PANK2: variants seen among roughly 807,000 people sequenced by gnomAD.
PANK2 encodes the protein pantothenate kinase 2, mitochondrial.
In PANK2, 36 loss-of-function variants were observed where a neutral mutation model predicts 43.1. The observed-to-expected ratio is 0.84, with a 90% CI of 0.64 to 1.10. The LOEUF is 1.10. Among genes scored for constraint, PANK2 ranks in the 50% least tolerant of loss-of-function variants. The pLI is 0.00. For synonymous variants in PANK2, 281 were observed against 238.2 expected, an observed-to-expected ratio of 1.18 and a Z score of -1.66; for missense variants, 576 against 593.3, an observed-to-expected ratio of 0.97 and a Z score of 0.30.
intron 5 of PANK2, 56 bp downstream of exon 5, chr20:3,917,106 G>T (rs1474866523): frequency 1.9e-6 from 3 of 1,605,512 alleles, no homozygotes; most frequent in Admixed American, 1.7e-5. Flanking sequence ...ACTTAAGTGG[G>T]CCCCATCACG....
chr20:3,908,159 C>G lies in PANK2; in HGVS notation c.532C>G (p.Pro178Ala). The G allele has an allele frequency of 6.2e-7, 1 of 1,614,172 alleles. No individual in the cohort carries two copies. Among genetic ancestry groups the G allele is most frequent in the Non-Finnish European group, 8.5e-7 (1 of 1,180,014 alleles). The change falls in exon 2 of 7, where the codon CCC becomes GCC. Residue 178 changes from proline to alanine, a missense_variant. Pro to Ala is a conservative substitution (Grantham distance 27). Around this residue, in one of 2 missense-constraint regions of PANK2, gnomAD observed 544 missense variants for 528.9 expected, o/e 1.03. Coordinates refer to ENST00000610179, the MANE Select transcript of PANK2 (RefSeq NM_001386393.1). ...AGGCAATCTGCACTTTATACGCTTT[C>G]CCACTCATGACATGCCTGCTTTTAT...
chr20:3,912,649 G>A lies in PANK2; in HGVS notation c.1082+15G>A, dbSNP rs1433014150. ...GTGGCTTCAAGGTAAGGGGGCATGT[G>A]TGTTCTAAGAAATACAGGCGGGCCG... On this transcript the variant is annotated intron_variant, in intron 4 of 6. Transcript: ENST00000610179. The A allele has an allele frequency of 1.9e-6, 3 of 1,613,422 alleles. No individual in the cohort carries two copies. The highest frequency in any genetic ancestry group is 1.7e-5 in the Admixed American group (1 of 59,964).
chr20:3,889,338 C>T (rs1226784662), upstream of PANK2: 1 of 1,587,174 alleles, frequency 6.3e-7, no homozygotes, highest in East Asian at 2.3e-5. Context: ...GGATTGGCTT[C>T]CTGCGCGTTG....
At chr20:3,890,792 T>A (rs1170841274) in intron 1 of PANK2, among the ~76,000 whole-genome samples, 9 of 152,250 alleles carry the variant, frequency 5.9e-5, no homozygotes, top group Non-Finnish European at 2.9e-5. Context: ...TCTATTTTGC[T>A]GTGAAAAGTT....
At chr20:3,889,982 C>G in intron 1 of PANK2, 2 of 1,447,550 alleles carry the variant, frequency 1.4e-6, no homozygotes, top group Non-Finnish European at 1.9e-6. Flanking sequence ...CAGGACCTGT[C>G]CTCCCTTTTC....
At chr20:3,913,251 A>G (rs2090497993) in intron 4 of PANK2, among the ~76,000 whole-genome samples, 2 of 152,162 alleles carry the variant, frequency 1.3e-5, no homozygotes, top group South Asian at 2.1e-4. Context: ...CATACAGTAT[A>G]TGATCTTTTG....
upstream of PANK2, chr20:3,888,963 GC>G: frequency 2.2e-5 from 14 of 647,324 alleles, no homozygotes; most frequent in South Asian, 4.5e-5. Context: ...CGCTGCGGGA[GC>G]ACTGCTGGGC....
intron 5 of PANK2, among the ~76,000 whole-genome samples, 188 bp downstream of exon 5, chr20:3,917,238 C>T (rs939938110): frequency 4.7e-5 from 7 of 149,914 alleles, no homozygotes; most frequent in African/African-American, 1.7e-4. Flanking sequence ...TGAAGATAAA[C>T]ATTGCTACTT....
intron 1 of PANK2, among the ~76,000 whole-genome samples, chr20:3,906,597 GAT>G (rs1183468499): frequency 1.3e-5 from 2 of 152,014 alleles, no homozygotes; most frequent in African/African-American, 4.8e-5. Context: ...TAATATAAAA[GAT>G]AATTATTTTA....
In PANK2 at chr20:3,910,830, G is replaced by C. The variant is rs1321881728; in HGVS notation, c.905G>C (p.Ser302Thr). 2 of 1,613,946 alleles carry C rather than the reference G, an allele frequency of 1.2e-6. No homozygotes were observed. Among genetic ancestry groups the C allele is most frequent in the Non-Finnish European group, 1.7e-6 (2 of 1,180,002 alleles). The change falls in exon 3 of 7, where the codon AGT becomes ACT. Residue 302 changes from serine to threonine, a missense_variant and splice_region_variant. By Grantham distance (58) the Ser-to-Thr change is moderately conservative. This residue lies in a region of PANK2 where 544 missense variants were observed against 528.9 expected (regional missense o/e 1.03). Coordinates refer to ENST00000610179, the MANE Select transcript of PANK2 (RefSeq NM_001386393.1). The stretch of plus-strand genomic sequence containing the variant: ...AATTACAAACGGGTCACAGGTACTA[G>C]GTAAGTTGTATATAAAACTCACTGT...
chr20:3,899,235 AGT>A (rs3085334), intron 1 of PANK2, among the ~76,000 whole-genome samples: 17,439 of 148,198 alleles, frequency 0.12, 1,381 homozygotes, highest in Non-Finnish European at 0.17. Context: ...GCAGTGATGT[AGT>A]GTAGGCTCAC....
intron 1 of PANK2, among the ~76,000 whole-genome samples, chr20:3,905,057 T>G (rs1043099998): frequency 2.6e-5 from 4 of 152,220 alleles, no homozygotes; most frequent in African/African-American, 9.6e-5. Flanking sequence ...AGTGCCTGTT[T>G]CCAGTGAAGA....
chr20:3,899,126 G>A (rs563535481), intron 1 of PANK2, among the ~76,000 whole-genome samples: 3 of 151,004 alleles, frequency 2.0e-5, no homozygotes, highest in African/African-American at 4.9e-5. Context: ...CACCTGCCTC[G>A]GCCTCCCAAA....
At chr20:3,906,203 C>G (rs2090384379) in intron 1 of PANK2, among the ~76,000 whole-genome samples, 1 of 151,990 alleles carries the variant, frequency 6.6e-6, no homozygotes, top group Non-Finnish European at 1.5e-5. Flanking sequence ...CCTGGGTGGA[C>G]TGCTTGAGCC....
intron 1 of PANK2, among the ~76,000 whole-genome samples, chr20:3,904,775 TTC>T (rs1172470313): frequency 1.3e-5 from 2 of 152,218 alleles, no homozygotes; most frequent in Non-Finnish European, 2.9e-5. Context: ...ATATTTTTGA[TTC>T]TGTTTATTCC....
chr20:3,925,150 A>T lies in PANK2; in HGVS notation c.*1856A>T, dbSNP rs2090702035. ...TGATGTCCCCTTCTGCCTCGCTTTG[A>T]GCTTCCTCCTCCGTGGGCCCTCCCC... On this transcript the variant is annotated 3_prime_UTR_variant, in exon 7 of 7. Coordinates refer to ENST00000610179, the MANE Select transcript of PANK2 (RefSeq NM_001386393.1). 6.6e-6 allele frequency: 1 copy of T among 152,654 alleles called. No individual in the cohort carries two copies. The allele number at this position is 152,654 out of a possible 1,614,324, so 9.5% of individuals were successfully genotyped here. A position where few individuals can be genotyped will look rare whatever the true frequency, so the allele number is the denominator to read the frequency against.
At chr20:3,908,616 T>C (rs536631632) in intron 2 of PANK2, 53 of 258,230 alleles carry the variant, frequency 2.1e-4, no homozygotes, top group African/African-American at 1.1e-3. Context: ...AATCATTTCA[T>C]GTCATAAAAT....
At chr20:3,898,086 C>G (rs1375088519) in intron 1 of PANK2, among the ~76,000 whole-genome samples, 1 of 151,716 alleles carries the variant, frequency 6.6e-6, no homozygotes, top group Non-Finnish European at 1.5e-5. Context: ...GATTTTTTTC[C>G]CTTCATCTTA....
intron 4 of PANK2, among the ~76,000 whole-genome samples, chr20:3,915,721 T>G (rs2090549759): frequency 6.6e-6 from 1 of 152,226 alleles, no homozygotes; most frequent in South Asian, 2.1e-4. Flanking sequence ...TAGTACCATT[T>G]GTTGAAAAGA....
Sources: gnomAD v4.1 joint callset for allele counts (sites outside exome capture counted in the v4.1 genomes callset) on GRCh38, gnomAD v4.1.1 for gene constraint, gnomAD v4.1.1 regional missense constraint, MANE v1.5 for transcripts, NCBI Gene and HGNC (gene_info 2026-07-23, HGNC 2026-07-21) for gene names.